ANK1: variants seen among roughly 807,000 people sequenced by gnomAD.
ANK1 encodes the protein ankyrin-1.
In ANK1, 51 loss-of-function variants were observed where a neutral mutation model predicts 210.4. The ratio of observed to expected loss-of-function variants is 0.24; its 90% CI spans 0.19 to 0.31. The LOEUF (loss-of-function observed/expected upper bound fraction) is 0.31. ANK1 is among the 10% of genes least tolerant of loss of function. The pLI, the probability that ANK1 is intolerant of heterozygous loss-of-function variation, is 1.00. For missense variants in ANK1, 2,051 were observed against 2,504.4 expected (o/e 0.82, Z 3.86); for synonymous variants, 967 against 1,025.9 (o/e 0.94, Z 1.10).
intron 35 of ANK1, among the ~76,000 whole-genome samples, chr8:41,687,864 G>A (rs541572295): frequency 5.9e-5 from 9 of 152,324 alleles, no homozygotes; most frequent in South Asian, 2.1e-4. Context: ...AGACCATAGC[G>A]AAATATGTTG....
At chr8:41,777,531 C>T (rs1294805553) in intron 1 of ANK1, among the ~76,000 whole-genome samples, 7 of 152,054 alleles carry the variant, frequency 4.6e-5, no homozygotes, top group Admixed American at 3.3e-4. Context: ...GCTGAGATCA[C>T]GGCACTGCAC....
At chr8:41,690,961 G>T (rs369541083) in intron 31 of ANK1, among the ~76,000 whole-genome samples, 1 of 152,204 alleles carries the variant, frequency 6.6e-6, no homozygotes, top group East Asian at 1.9e-4. Context: ...GGTGGCTCAC[G>T]CCTGTAATCC....
At chr8:41,767,479 G>A (rs1842098138) in intron 1 of ANK1, among the ~76,000 whole-genome samples, 1 of 151,390 alleles carries the variant, frequency 6.6e-6, no homozygotes, top group Admixed American at 6.6e-5. Flanking sequence ...CGCGGCATCT[G>A]GCTAAAAATA....
intron 37 of ANK1, 103 bp downstream of exon 37, chr8:41,684,441 A>AG (rs1347590839): frequency 1.3e-6 from 2 of 1,538,820 alleles, no homozygotes; most frequent in Admixed American, 3.3e-5. Flanking sequence ...TGGGAGGCAG[A>AG]GCGGGCTTTG....
chr8:41,768,080 C>G (rs1356091781), intron 1 of ANK1, among the ~76,000 whole-genome samples: 1 of 152,198 alleles, frequency 6.6e-6, no homozygotes, highest in Non-Finnish European at 1.5e-5. Flanking sequence ...AGGCTGTGTC[C>G]GTGCAGTAAG....
At chr8:41,776,453 A>G (rs1182858507) in intron 1 of ANK1, among the ~76,000 whole-genome samples, 7 of 152,138 alleles carry the variant, frequency 4.6e-5, no homozygotes, top group African/African-American at 1.7e-4. Context: ...GAATTACAAC[A>G]GTAACATCGT....
chr8:41,744,583 C>CTGGAGT (rs1410124066), intron 2 of ANK1, among the ~76,000 whole-genome samples: 1 of 144,030 alleles, frequency 6.9e-6, no homozygotes, highest in East Asian at 2.0e-4. Flanking sequence ...ATTGCCCAGG[C>CTGGAGT]TGGAGTGCAG....
intron 2 of ANK1, among the ~76,000 whole-genome samples, chr8:41,751,052 A>C (rs771069916): frequency 1.3e-5 from 2 of 152,182 alleles, no homozygotes; most frequent in Non-Finnish European, 2.9e-5. Flanking sequence ...TTCAGGGGAC[A>C]CAGGCCGGCA....
intron 39 of ANK1, chr8:41,664,829 C>A (rs1809872693): frequency 6.2e-7 from 1 of 1,611,304 alleles, no homozygotes; most frequent in Admixed American, 1.7e-5. Context: ...GCCGCCGGAC[C>A]ACCCTGGTGG....
intron 2 of ANK1, among the ~76,000 whole-genome samples, chr8:41,737,561 G>A (rs962901655): frequency 1.3e-5 from 2 of 152,226 alleles, no homozygotes; most frequent in African/African-American, 4.8e-5. Context: ...GAGTAGACCT[G>A]CCTCTCGCGG....
chr8:41,825,830 T>A (rs112966044), intron 1 of ANK1, among the ~76,000 whole-genome samples: 1,738 of 152,192 alleles, frequency 0.011, 20 homozygotes, highest in Non-Finnish European at 0.018. Flanking sequence ...AAAGGGGAGT[T>A]CCCCTGCACA....
intron 12 of ANK1, 120 bp from the exon 13 acceptor site, chr8:41,717,171 G>T: frequency 1.0e-6 from 1 of 976,888 alleles, no homozygotes; most frequent in Non-Finnish European, 1.6e-6. Context: ...AGGTGGAGTT[G>T]CCCCAGCAGG....
At chr8:41,667,563 A>G (rs1020052745) in intron 39 of ANK1, among the ~76,000 whole-genome samples, 1 of 152,112 alleles carries the variant, frequency 6.6e-6, no homozygotes, top group South Asian at 2.1e-4. Flanking sequence ...GTAGATCATC[A>G]TGGGGCCTGG....
intron 1 of ANK1, among the ~76,000 whole-genome samples, chr8:41,874,269 A>G (rs1324396754): frequency 2.6e-5 from 4 of 152,222 alleles, no homozygotes; most frequent in Non-Finnish European, 4.4e-5. Flanking sequence ...AGAGCCTCCT[A>G]TAGCCGCCTT....
intron 1 of ANK1, among the ~76,000 whole-genome samples, chr8:41,783,791 G>T (rs1845801856): frequency 1.3e-5 from 2 of 152,302 alleles, no homozygotes; most frequent in East Asian, 3.9e-4. Flanking sequence ...GGCCAGGTAT[G>T]GTGGCTCACA....
At chr8:41,722,111 A>G (rs979054325) in intron 9 of ANK1, among the ~76,000 whole-genome samples, 2 of 152,188 alleles carry the variant, frequency 1.3e-5, no homozygotes, top group Admixed American at 6.5e-5. Flanking sequence ...TAATCCTAGG[A>G]GAGAGGGTGG....
At chr8:41,801,410 G>A (rs144415104), upstream of ANK1, among the ~76,000 whole-genome samples, 5 of 152,278 alleles carry the variant, frequency 3.3e-5, no homozygotes, top group South Asian at 2.1e-4. Flanking sequence ...GAGTTTTACC[G>A]TACATGTATC....
chr8:41,754,185 C>G (rs1423647395), intron 2 of ANK1, among the ~76,000 whole-genome samples: 2 of 152,212 alleles, frequency 1.3e-5, no homozygotes, highest in African/African-American at 4.8e-5. Flanking sequence ...TCCCTTCAGC[C>G]CAGCTCTCCA....
intron 39 of ANK1, among the ~76,000 whole-genome samples, chr8:41,666,602 ATC>A (rs1293962749): frequency 1.3e-5 from 2 of 152,214 alleles, no homozygotes; most frequent in African/African-American, 4.8e-5. Context: ...GTTACATGCA[ATC>A]TCTCTATCTC....
Sources: allele counts gnomAD v4.1 joint callset (sites outside exome capture counted in the v4.1 genomes callset), GRCh38; gene constraint gnomAD v4.1.1; transcripts MANE v1.5; gene names NCBI Gene and HGNC (gene_info 2026-07-23, HGNC 2026-07-21).